VAV2: variants seen among roughly 807,000 people sequenced by gnomAD.
VAV2 encodes vav guanine nucleotide exchange factor 2.
Under a neutral mutation model 132.5 loss-of-function variants are expected in VAV2, and 67 were observed. That is an observed-to-expected ratio of 0.51 (90% CI 0.42 to 0.62). VAV2 has a LOEUF of 0.62. Ranked by LOEUF, VAV2 falls within the 20% of genes least tolerant of loss-of-function variation. The probability of loss-of-function intolerance (pLI) is 0.00; values close to 1 mark genes in which losing one functional copy is unlikely to be tolerated. For synonymous variants in VAV2, 492 were observed against 443.5 expected (o/e 1.11, Z -1.37); for missense variants, 938 against 1,153.6 (o/e 0.81, Z 2.71).
At chr9:133,900,122 C>G (rs1258048774) in intron 2 of VAV2, among the ~76,000 whole-genome samples, 1 of 152,034 alleles carries the variant, frequency 6.6e-6, no homozygotes, top group African/African-American at 2.4e-5. Context: ...ATCACTGGAA[C>G]CCACAGATCA....
intron 4 of VAV2, among the ~76,000 whole-genome samples, chr9:133,828,404 G>C (rs1302269427): frequency 0.02 from 44 of 2,244 alleles, 15 homozygotes; most frequent in Admixed American, 0.058. Flanking sequence ...CCACTGAGTG[G>C]GGGCATCACC....
At chr9:133,968,091 G>A (rs189737883) in intron 1 of VAV2, among the ~76,000 whole-genome samples, 41 of 152,062 alleles carry the variant, frequency 2.7e-4, no homozygotes, top group African/African-American at 9.4e-4. Context: ...GTTAATGGGG[G>A]CAAACATGCA....
intron 2 of VAV2, among the ~76,000 whole-genome samples, chr9:133,906,686 C>G (rs1839666521): frequency 6.6e-6 from 1 of 152,222 alleles, no homozygotes; most frequent in Non-Finnish European, 1.5e-5. Context: ...CTCCCCAAGT[C>G]ACCCATGACC....
intron 2 of VAV2, among the ~76,000 whole-genome samples, chr9:133,874,681 T>C (rs10993837): frequency 0.23 from 35,100 of 152,034 alleles, 5,382 homozygotes; most frequent in African/African-American, 0.44. Context: ...ACAGATGTCT[T>C]GCCCCCTCCA....
At chr9:133,880,712 A>T (rs1021604157) in intron 2 of VAV2, among the ~76,000 whole-genome samples, 7 of 152,226 alleles carry the variant, frequency 4.6e-5, no homozygotes, top group African/African-American at 1.7e-4. Flanking sequence ...TAACCAAAGC[A>T]CCAACTACTG....
At chr9:133,784,451 C>T in intron 17 of VAV2, 33 bp from the exon 18 acceptor site, 2 of 1,610,068 alleles carry the variant, frequency 1.2e-6, no homozygotes, top group East Asian at 2.2e-5. Context: ...GATGCTACAC[C>T]CACTGGATTC....
intron 2 of VAV2, among the ~76,000 whole-genome samples, chr9:133,936,635 GGT>G (rs1156842393): frequency 1.3e-5 from 2 of 152,160 alleles, no homozygotes; most frequent in Non-Finnish European, 2.9e-5. Context: ...TTAAGCGACC[GGT>G]GGGGGGCGGC....
At chr9:133,929,999 G>T (rs1445912638) in intron 2 of VAV2, among the ~76,000 whole-genome samples, 5 of 152,238 alleles carry the variant, frequency 3.3e-5, no homozygotes, top group Non-Finnish European at 7.3e-5. Flanking sequence ...GCAGGGCCCT[G>T]CCCTCCCTTC....
chr9:133,889,939 G>A (rs1443444678), intron 2 of VAV2, among the ~76,000 whole-genome samples: 4 of 152,136 alleles, frequency 2.6e-5, no homozygotes, highest in Admixed American at 6.5e-5. Flanking sequence ...ACATGACCCC[G>A]CAGGGCCACT....
rs1833537657 is a variant in VAV2 at position 133,769,333 on chromosome 9, G to A, written c.2434+84C>T. The stretch of plus-strand genomic sequence containing the variant: ...CTGTGGCCACGTCAGGCAGGGCTGT[G>A]GGGCCAGTGGGCAGCTCCGTGCTGG... On this transcript the variant is annotated intron_variant, in intron 28 of 29. Transcript: ENST00000371850. This position sits in a 1 kb window ranked among gnomAD's most constrained non-coding sequence, Gnocchi z 8.1. 1.4e-6 allele frequency: 2 copies of A among 1,408,676 alleles called. No individual in the cohort carries two copies. Among genetic ancestry groups the A allele is most frequent in the Middle Eastern group, 2.3e-4 (1 of 4,412 alleles). The allele number at this position is 1,408,676 out of a possible 1,614,324, so 87.3% of individuals were successfully genotyped here.
At chr9:133,988,916 A>C (rs1396400511) in intron 1 of VAV2, among the ~76,000 whole-genome samples, 3 of 151,834 alleles carry the variant, frequency 2.0e-5, no homozygotes. Flanking sequence ...AAATACAAAA[A>C]ATAGCTGGGC....
chr9:133,951,082 T>C (rs930594543), intron 1 of VAV2, among the ~76,000 whole-genome samples: 1 of 152,056 alleles, frequency 6.6e-6, no homozygotes, highest in Non-Finnish European at 1.5e-5. Flanking sequence ...GCTAAAAATA[T>C]TGAAGGAAAA....
rs1422402056 is a variant in VAV2, at chr9:133,969,514, C to T, written c.204+22561G>A. ...AAGCCTGAGGCCAACCAGGGAACCT[C>T]AGGGGTGGAGCTGAAACACCCCAAC... On this transcript the variant is annotated intron_variant, in intron 1 of 29. Coordinates refer to ENST00000371850, the MANE Select transcript of VAV2 (RefSeq NM_001134398.2). The surrounding 1 kb of genome is among the most constrained non-coding windows in gnomAD (Gnocchi z 5.1). 6.6e-6 allele frequency among the ~76,000 whole-genome samples: 1 copy of T among 152,062 alleles called. No homozygotes were observed. The highest frequency in any genetic ancestry group is 1.5e-5 in the Non-Finnish European group (1 of 67,994).
chr9:133,828,777 T>C (rs911328799), intron 4 of VAV2, among the ~76,000 whole-genome samples: 2 of 152,206 alleles, frequency 1.3e-5, no homozygotes, highest in African/African-American at 4.8e-5. Flanking sequence ...GGACTTGCGC[T>C]GGAACAACCC....
chr9:133,822,597 TGGGGAAACCA>T (rs1444494443), intron 4 of VAV2, among the ~76,000 whole-genome samples: 1 of 152,014 alleles, frequency 6.6e-6, no homozygotes, highest in African/African-American at 2.4e-5. Flanking sequence ...TTTCTACAGG[TGGGGAAACCA>T]GGGCTCAGAG....
chr9:133,903,308 G>A (rs965639738), intron 2 of VAV2, among the ~76,000 whole-genome samples: 7 of 152,144 alleles, frequency 4.6e-5, no homozygotes, highest in East Asian at 1.9e-4. Context: ...TTCCCTCCCC[G>A]CTGCACTGTC....
At chr9:133,878,552 G>A (rs561124775) in intron 2 of VAV2, among the ~76,000 whole-genome samples, 5 of 152,250 alleles carry the variant, frequency 3.3e-5, no homozygotes, top group African/African-American at 1.2e-4. Flanking sequence ...CACCATCATC[G>A]TTGCTGCCCC....
At chr9:133,873,277 T>A (rs1049248424) in intron 2 of VAV2, among the ~76,000 whole-genome samples, 1 of 152,142 alleles carries the variant, frequency 6.6e-6, no homozygotes, top group Non-Finnish European at 1.5e-5. Context: ...ACGCCAGAGC[T>A]GGGATCAAGT....
At chr9:133,920,120 G>A (rs1315665039) in intron 2 of VAV2, among the ~76,000 whole-genome samples, 3 of 151,798 alleles carry the variant, frequency 2.0e-5, no homozygotes, top group Non-Finnish European at 4.4e-5. Flanking sequence ...ACTCACTCCT[G>A]CACATGCAGC....
Sources: allele counts gnomAD v4.1 joint callset (sites outside exome capture counted in the v4.1 genomes callset), GRCh38; gene constraint gnomAD v4.1.1; non-coding constraint Gnocchi (gnomAD v3.1); transcripts MANE v1.5; gene names NCBI Gene and HGNC (gene_info 2026-07-23, HGNC 2026-07-21).